Variants in C10orf67 observed in about 807,000 individuals in gnomAD.
The protein encoded by C10orf67 is chromosome 10 open reading frame 67, also known as uncharacterized protein C10orf67, mitochondrial.
In C10orf67, 60 loss-of-function variants were observed where a neutral mutation model predicts 35.6. The observed-to-expected ratio is 1.68, with a 90% CI of 1.37 to 2.09. C10orf67 has a LOEUF of 2.09. C10orf67 is among the 30% of genes most tolerant of loss of function. The pLI is 0.00. For synonymous variants in C10orf67, 167 were observed against 115.8 expected (o/e 1.44, Z -2.84); for missense variants, 474 against 330.2 (o/e 1.44, Z -3.38).
At chr10:23,252,442 C>A (rs1470013449) in intron 10 of C10orf67, among the ~76,000 whole-genome samples, 2 of 152,176 alleles carry the variant, frequency 1.3e-5, no homozygotes, top group Non-Finnish European at 2.9e-5. Flanking sequence ...CTGTTTCAGG[C>A]AGGGCCAAGT....
At chr10:23,224,386 A>T (rs561137715) in intron 13 of C10orf67, among the ~76,000 whole-genome samples, 3 of 152,338 alleles carry the variant, frequency 2.0e-5, no homozygotes, top group Non-Finnish European at 1.5e-5. Flanking sequence ...GTACATCACC[A>T]TCATCAAAGA....
chr10:23,246,702 C>G (rs1288028075), intron 12 of C10orf67, among the ~76,000 whole-genome samples: 1 of 152,098 alleles, frequency 6.6e-6, no homozygotes, highest in South Asian at 2.1e-4. Context: ...AATCCTGACC[C>G]TGTGTAGGCT....
chr10:23,343,121 T>C (rs1845970870), intron 1 of C10orf67, among the ~76,000 whole-genome samples: 1 of 152,196 alleles, frequency 6.6e-6, no homozygotes, highest in Non-Finnish European at 1.5e-5. Flanking sequence ...GATCAAGGAA[T>C]AGCAAATAAT....
chr10:23,287,681 A>G (rs946879827), intron 7 of C10orf67, among the ~76,000 whole-genome samples: 10 of 152,250 alleles, frequency 6.6e-5, no homozygotes, highest in Admixed American at 6.5e-4. Context: ...CAGAGTGAAC[A>G]GGCAACCTAC....
chr10:23,284,526 A>G (rs1474614756), intron 7 of C10orf67, among the ~76,000 whole-genome samples: 1 of 151,764 alleles, frequency 6.6e-6, no homozygotes, highest in Non-Finnish European at 1.5e-5. Flanking sequence ...CCACAAAAAA[A>G]AAAAATTAAA....
chr10:23,217,972 T>C (rs959363884), intron 15 of C10orf67, among the ~76,000 whole-genome samples: 1 of 152,212 alleles, frequency 6.6e-6, no homozygotes, highest in Admixed American at 6.5e-5. Context: ...TTTTCATTTC[T>C]AACATTTTTC....
At chr10:23,305,740 G>A (rs537101504) in intron 4 of C10orf67, among the ~76,000 whole-genome samples, 1 of 152,166 alleles carries the variant, frequency 6.6e-6, no homozygotes, top group South Asian at 2.1e-4. Flanking sequence ...AATGTAAAGT[G>A]GTACAGCCAT....
At chr10:23,208,871 C>T (rs1414151697) in intron 15 of C10orf67, among the ~76,000 whole-genome samples, 1 of 152,044 alleles carries the variant, frequency 6.6e-6, no homozygotes, top group Non-Finnish European at 1.5e-5. Context: ...TCTGGAGAAC[C>T]CTGAGAGTGC....
chr10:23,281,583 AAG>A (rs1843368037), intron 8 of C10orf67, among the ~76,000 whole-genome samples: 1 of 152,228 alleles, frequency 6.6e-6, no homozygotes, highest in Admixed American at 6.5e-5. Flanking sequence ...GTTCTCTTAA[AAG>A]AACATAAAAA....
intron 2 of C10orf67, among the ~76,000 whole-genome samples, chr10:23,324,550 A>G (rs1845107148): frequency 6.6e-6 from 1 of 152,152 alleles, no homozygotes; most frequent in Admixed American, 6.5e-5. Flanking sequence ...TCTTCTCATC[A>G]CAGCCCCCTT....
intron 7 of C10orf67, among the ~76,000 whole-genome samples, chr10:23,289,078 G>A (rs765348263): frequency 9.2e-5 from 14 of 152,244 alleles, no homozygotes; most frequent in South Asian, 2.1e-4. Flanking sequence ...GAAGCCCCAC[G>A]TGTGCAGGGA....
intron 10 of C10orf67, among the ~76,000 whole-genome samples, chr10:23,256,516 A>C (rs117843322): frequency 6.6e-6 from 1 of 152,208 alleles, no homozygotes; most frequent in African/African-American, 2.4e-5. Context: ...TGAACAGTTC[A>C]TAGGTCTCGT....
At chr10:23,288,529 C>T (rs1275486146) in intron 7 of C10orf67, among the ~76,000 whole-genome samples, 4 of 152,126 alleles carry the variant, frequency 2.6e-5, no homozygotes, top group African/African-American at 2.4e-5. Context: ...AACAAACCAC[C>T]ATGGCACATA....
intron 4 of C10orf67, 129 bp downstream of exon 4, chr10:23,320,612 T>C: frequency 1.5e-6 from 1 of 668,452 alleles, no homozygotes; most frequent in Middle Eastern, 2.6e-4. Flanking sequence ...TAAGGTGACC[T>C]GAAAATCGAG....
chr10:23,249,837 G>A (rs1310131221), intron 12 of C10orf67, among the ~76,000 whole-genome samples: 1 of 152,148 alleles, frequency 6.6e-6, no homozygotes, highest in African/African-American at 2.4e-5. Context: ...GGGAATCTGG[G>A]GGAAATTATG....
chr10:23,277,387 T>C lies in C10orf67; in HGVS notation c.975+4626A>G, dbSNP rs545359399. Among the ~76,000 whole-genome samples, 136 of 151,972 alleles carry C rather than the reference T, an allele frequency of 8.9e-4. 2 individuals carry two copies. Among genetic ancestry groups the C allele is most frequent in the Admixed American group, 1.9e-3 (29 of 15,252 alleles). On this transcript the variant is annotated intron_variant, in intron 8 of 15. Transcript: ENST00000636213. The stretch of plus-strand genomic sequence containing the variant: ...GGGCAATGTGGCAAAACCCTGTCTC[T>C]ACAAAAAATAGAAAAATTAGCCGGA...
intron 12 of C10orf67, among the ~76,000 whole-genome samples, chr10:23,249,036 T>C (rs994638105): frequency 8.5e-5 from 12 of 141,964 alleles, no homozygotes; most frequent in African/African-American, 2.9e-4. Context: ...AGGCTGTGGC[T>C]GGAGAATCGC....
At chr10:23,280,484 C>T (rs1429567810) in intron 8 of C10orf67, among the ~76,000 whole-genome samples, 1 of 152,046 alleles carries the variant, frequency 6.6e-6, no homozygotes, top group South Asian at 2.1e-4. Context: ...GAGAAGGTGG[C>T]GAAATAGTGA....
At chr10:23,216,202 TCTA>T (rs1841426022) in intron 15 of C10orf67, among the ~76,000 whole-genome samples, 1 of 152,152 alleles carries the variant, frequency 6.6e-6, no homozygotes, top group Non-Finnish European at 1.5e-5. Context: ...AGAAAAATCA[TCTA>T]CTTCTAGCAC....
Sources: gnomAD v4.1 joint callset for allele counts (sites outside exome capture counted in the v4.1 genomes callset) on GRCh38, gnomAD v4.1.1 for gene constraint, MANE v1.5 for transcripts, NCBI Gene and HGNC (gene_info 2026-07-23, HGNC 2026-07-21) for gene names.